The following C19orf38 variants were observed in gnomAD, a reference collection of about 807,000 sequenced individuals.
The protein encoded by C19orf38 is chromosome 19 open reading frame 38, also known as protein HIDE1.
A neutral mutation model predicts 26.6 loss-of-function variants in C19orf38; 14 were observed. That is an observed-to-expected ratio of 0.53 (90% confidence interval 0.35 to 0.82). The LOEUF is 0.82. Among genes scored for constraint, C19orf38 ranks in the 40% least tolerant of loss-of-function variants. The probability of loss-of-function intolerance (pLI) is 0.01; values close to 1 mark genes in which losing one functional copy is unlikely to be tolerated. For missense variants in C19orf38, 261 were observed against 299.5 expected (o/e 0.87, Z 0.95); for synonymous variants, 132 against 128.5 (o/e 1.03, Z -0.18).
At chr19:10,862,521 C>T (rs2073709417) in intron 5 of C19orf38, among the ~76,000 whole-genome samples, 3 of 151,874 alleles carry the variant, frequency 2.0e-5, no homozygotes, top group Non-Finnish European at 4.4e-5. Context: ...GATGTTTAAG[C>T]AGAGACCTAC....
intron 4 of C19orf38, among the ~76,000 whole-genome samples, chr19:10,858,593 G>T (rs2073656372): frequency 6.6e-6 from 1 of 152,180 alleles, no homozygotes. Context: ...TTTTACAGAA[G>T]AGAGGACTGA....
At chr19:10,844,567 G>T (rs922684181), upstream of C19orf38, among the ~76,000 whole-genome samples, 1 of 151,444 alleles carries the variant, frequency 6.6e-6, no homozygotes, top group Non-Finnish European at 1.5e-5. Context: ...AAAAAGAAAG[G>T]CCGGGTGCAG....
chr19:10,842,748 C>A (rs920236261), intron 1 of C19orf38, among the ~76,000 whole-genome samples: 5 of 151,878 alleles, frequency 3.3e-5, no homozygotes, highest in African/African-American at 7.2e-5. Flanking sequence ...AAAAAAAAAA[C>A]CAGAATTCCA....
intron 6 of C19orf38, among the ~76,000 whole-genome samples, chr19:10,868,426 C>G (rs2073773090): frequency 6.6e-6 from 1 of 152,192 alleles, no homozygotes. Flanking sequence ...GGTCAGGAGC[C>G]TCCAAGGCAG....
At chr19:10,840,860 C>T (rs1435973057) in intron 1 of C19orf38, among the ~76,000 whole-genome samples, 3 of 152,242 alleles carry the variant, frequency 2.0e-5, no homozygotes, top group African/African-American at 7.2e-5. Context: ...GTCTCGAACT[C>T]CTGACCTCAA....
At chr19:10,842,011 G>A (rs2073481811) in intron 1 of C19orf38, 2 of 1,610,516 alleles carry the variant, frequency 1.2e-6, no homozygotes, top group African/African-American at 1.3e-5. Flanking sequence ...CATCCTTTTG[G>A]AGCCATGAAT....
At position 10,841,806 on chromosome 19, in the gene C19orf38, C is replaced by A. The variant is rs1443060431; in HGVS notation, c.-69+5036C>A. ...TGGGCAGCATAGTGAGATCCCATCT[C>A]CACAAAAACATTTTTTAAAAAATTA... On this transcript the variant is annotated intron_variant, in intron 1 of 7. Coordinates refer to the C19orf38 transcript ENST00000592854. 3 of 1,144,578 alleles carry A rather than the reference C, an allele frequency of 2.6e-6. No homozygotes were observed. The African/African-American group carries it at 4.6e-5, about 17-fold the overall frequency. 70.9% of individuals were successfully genotyped at this position (1,144,578 alleles called of 1,614,324 possible). A position where few individuals can be genotyped will look rare whatever the true frequency, so the allele number is the denominator to read the frequency against.
chr19:10,837,465 C>CTTTTCTTTT (rs565036901), intron 1 of C19orf38, among the ~76,000 whole-genome samples: 2 of 130,356 alleles, frequency 1.5e-5, no homozygotes, highest in African/African-American at 5.8e-5. Context: ...CGGGTGACTC[C>CTTTTCTTTT]TTTTCTTTTT....
At chr19:10,856,081 A>G (rs2073622360) in intron 2 of C19orf38, among the ~76,000 whole-genome samples, 184 bp from the exon 3 acceptor site, 1 of 152,174 alleles carries the variant, frequency 6.6e-6, no homozygotes, top group Non-Finnish European at 1.5e-5. Flanking sequence ...CTCATCCTGA[A>G]CCAATCACAA....
chr19:10,842,448 G>A (rs1257847081), intron 1 of C19orf38, among the ~76,000 whole-genome samples: 1 of 152,060 alleles, frequency 6.6e-6, no homozygotes, highest in African/African-American at 2.4e-5. Context: ...TTTTAGTAGA[G>A]ATGGGTTTTC....
At chr19:10,858,246 A>AAC (rs2073651616) in intron 3 of C19orf38, 70 bp from the exon 4 acceptor site, 1 of 1,254,816 alleles carries the variant, frequency 8.0e-7, no homozygotes, top group Non-Finnish European at 1.1e-6. Context: ...AAAAAAAAAA[A>AAC]AAAAAACAGA....
At chr19:10,841,903 A>G (rs933027956) in intron 1 of C19orf38, 6 of 1,596,938 alleles carry the variant, frequency 3.8e-6, no homozygotes, top group African/African-American at 1.3e-5. Flanking sequence ...CCTGATTCAA[A>G]TGGAATGCCA....
In C19orf38 at chr19:10,869,390, C is replaced by T; in HGVS notation, c.*23C>T. 2 of 1,532,988 alleles carry T rather than the reference C, an allele frequency of 1.3e-6. No homozygotes were observed. The highest frequency in any genetic ancestry group is 1.8e-6 in the Non-Finnish European group (2 of 1,138,794). 95.0% of individuals were successfully genotyped at this position (1,532,988 alleles called of 1,614,324 possible). ...TGAGGCTGAGGACTGGGGGACCCCT[C>T]TGTCTCCAGGCATTCGGGGGCCTGA... On this transcript the variant is annotated 3_prime_UTR_variant, in exon 7 of 7. Transcript: ENST00000397820.
At chr19:10,857,341 T>C (rs1169519761) in intron 3 of C19orf38, among the ~76,000 whole-genome samples, 2 of 65,082 alleles carry the variant, frequency 3.1e-5, no homozygotes, top group Non-Finnish European at 5.1e-5. Context: ...CACACATACA[T>C]ATATATATAT....
chr19:10,868,009 T>C (rs974056063), intron 6 of C19orf38, among the ~76,000 whole-genome samples: 1 of 152,192 alleles, frequency 6.6e-6, no homozygotes, highest in African/African-American at 2.4e-5. Context: ...CCAAGTTTTG[T>C]TGATCCATTC....
At chr19:10,843,428 T>C (rs548234356), upstream of C19orf38, among the ~76,000 whole-genome samples, 1 of 152,364 alleles carries the variant, frequency 6.6e-6, no homozygotes, top group South Asian at 2.1e-4. Flanking sequence ...TCCCTGACCC[T>C]GCTGTAGCTG....
At chr19:10,857,341 T>TAG in intron 3 of C19orf38, among the ~76,000 whole-genome samples, 1 of 65,040 alleles carries the variant, frequency 1.5e-5, no homozygotes, top group South Asian at 5.2e-4. Flanking sequence ...CACACATACA[T>TAG]ATATATATAT....
chr19:10,858,433 C>G, intron 4 of C19orf38, 90 bp downstream of exon 4: 2 of 1,265,506 alleles, frequency 1.6e-6, no homozygotes, highest in Non-Finnish European at 2.2e-6. Flanking sequence ...CCCCCACAAA[C>G]AGCGCCTCCT....
At chr19:10,846,780 A>G (rs1194862111), upstream of C19orf38, among the ~76,000 whole-genome samples, 1 of 152,258 alleles carries the variant, frequency 6.6e-6, no homozygotes, top group African/African-American at 2.4e-5. Flanking sequence ...AAATTCCTTG[A>G]AGATACAAGC....
Sources: allele counts gnomAD v4.1 joint callset (sites outside exome capture counted in the v4.1 genomes callset), GRCh38; gene constraint gnomAD v4.1.1; transcripts MANE v1.5; gene names NCBI Gene and HGNC (gene_info 2026-07-23, HGNC 2026-07-21).